The following SCHIP1 variants were observed in gnomAD, a reference collection of about 807,000 sequenced individuals.
SCHIP1 encodes schwannomin interacting protein 1.
SCHIP1 carries 8 observed loss-of-function variants against 29.7 expected under a neutral mutation model. The ratio of observed to expected loss-of-function variants is 0.27; its 90% CI spans 0.16 to 0.49. The LOEUF (loss-of-function observed/expected upper bound fraction) is 0.49, where lower values mean the gene tolerates loss of function less well. SCHIP1 is among the 20% of genes least tolerant of loss of function. The probability of loss-of-function intolerance (pLI) is 0.99; values close to 1 mark genes in which losing one functional copy is unlikely to be tolerated. For synonymous variants in SCHIP1, 76 were observed against 94.9 expected, an observed-to-expected ratio of 0.80 and a Z score of 1.16; for missense variants, 193 against 294.6, an observed-to-expected ratio of 0.66 and a Z score of 2.52.
At chr3:159,764,478 C>T in the SCHIP1 span, 4 of 1,592,240 alleles carry the variant, frequency 2.5e-6, no homozygotes, top group African/African-American at 2.7e-5. This position sits in a 1 kb window ranked among gnomAD's most constrained non-coding sequence, Gnocchi z 6.1. Context: ...TAGGCAGTGA[C>T]GCCGGCAGCA....
the SCHIP1 span, chr3:159,274,715 T>A: frequency 1.2e-6 from 1 of 820,676 alleles, no homozygotes; most frequent in Non-Finnish European, 1.5e-6. Context: ...GCTATTCAAA[T>A]TTTTTTCTAA....
chr3:159,636,337 C>T, the SCHIP1 span, among the ~76,000 whole-genome samples: 2 of 152,104 alleles, frequency 1.3e-5, no homozygotes, highest in African/African-American at 2.4e-5. Flanking sequence ...CATGAGCCAC[C>T]GCACCCAGCC....
the SCHIP1 span, chr3:159,273,659 G>C: frequency 2.2e-6 from 3 of 1,369,772 alleles, no homozygotes; most frequent in Non-Finnish European, 2.8e-6. Context: ...CATGGTGGTT[G>C]ATAACCGAAG....
the SCHIP1 span, among the ~76,000 whole-genome samples, chr3:159,349,047 C>G: frequency 6.6e-6 from 1 of 152,158 alleles, no homozygotes; most frequent in Non-Finnish European, 1.5e-5. Flanking sequence ...GAGTTAATGA[C>G]AGGTGACTGT....
At chr3:159,280,775 T>G in the SCHIP1 span, among the ~76,000 whole-genome samples, 2 of 152,214 alleles carry the variant, frequency 1.3e-5, no homozygotes, top group African/African-American at 2.4e-5. Context: ...TGTGTTTTTC[T>G]GGGCTTGTGA....
At chr3:159,628,481 AT>A in the SCHIP1 span, among the ~76,000 whole-genome samples, 1 of 152,158 alleles carries the variant, frequency 6.6e-6, no homozygotes, top group Admixed American at 6.5e-5. Context: ...CAGATATTGG[AT>A]TTTTCAGACA....
the SCHIP1 span, among the ~76,000 whole-genome samples, chr3:159,421,910 T>G: frequency 6.6e-6 from 1 of 152,138 alleles, no homozygotes; most frequent in East Asian, 1.9e-4. Flanking sequence ...CATGTTGCAA[T>G]TTTTTAGCAC....
At chr3:159,299,589 C>T in the SCHIP1 span, among the ~76,000 whole-genome samples, 1 of 152,144 alleles carries the variant, frequency 6.6e-6, no homozygotes, top group Non-Finnish European at 1.5e-5. Context: ...AATGTGTGTT[C>T]CTCATTTTCC....
chr3:159,403,728 A>G, the SCHIP1 span, among the ~76,000 whole-genome samples: 2 of 152,208 alleles, frequency 1.3e-5, no homozygotes, highest in Admixed American at 6.5e-5. Context: ...CACAAAAACT[A>G]TAATTCCTGG....
chr3:159,475,879 C>T, the SCHIP1 span, among the ~76,000 whole-genome samples: 2 of 152,250 alleles, frequency 1.3e-5, no homozygotes, highest in African/African-American at 4.8e-5. Flanking sequence ...GGAGTTGAAG[C>T]TTTCATAACA....
chr3:159,659,617 C>T, the SCHIP1 span, among the ~76,000 whole-genome samples: 1 of 152,126 alleles, frequency 6.6e-6, no homozygotes, highest in East Asian at 1.9e-4. Flanking sequence ...GCCACCTCAT[C>T]AAACATTTAG....
the SCHIP1 span, among the ~76,000 whole-genome samples, chr3:159,487,542 T>A: frequency 6.6e-6 from 1 of 152,196 alleles, no homozygotes; most frequent in Admixed American, 6.5e-5. Context: ...AACTGAAATA[T>A]AAATTCTATC....
chr3:159,467,758 C>G, the SCHIP1 span, among the ~76,000 whole-genome samples: 555 of 152,178 alleles, frequency 3.6e-3, 6 homozygotes, highest in African/African-American at 0.013. Flanking sequence ...TGTCTAACTA[C>G]ACAATTAAAT....
the SCHIP1 span, among the ~76,000 whole-genome samples, chr3:159,445,231 C>T: frequency 2.0e-5 from 3 of 152,170 alleles, no homozygotes; most frequent in East Asian, 1.9e-4. Context: ...TGAACAGACA[C>T]TTCTCAAAAG....
the SCHIP1 span, among the ~76,000 whole-genome samples, chr3:159,794,963 G>A: frequency 6.6e-6 from 1 of 152,268 alleles, no homozygotes; most frequent in South Asian, 2.1e-4. Context: ...TAGAGATTCT[G>A]ATTTGATTGG....
chr3:159,531,684 A>G, the SCHIP1 span, among the ~76,000 whole-genome samples: 3 of 152,222 alleles, frequency 2.0e-5, no homozygotes, highest in Non-Finnish European at 4.4e-5. Flanking sequence ...TAAGTTTACC[A>G]AACAGTATTA....
At chr3:159,577,254 AAAACAAGAC>A in the SCHIP1 span, among the ~76,000 whole-genome samples, 1 of 152,226 alleles carries the variant, frequency 6.6e-6, no homozygotes, top group African/African-American at 2.4e-5. Flanking sequence ...ATAACAAAGC[AAAACAAGAC>A]AACAAATCAC....
chr3:159,710,181 C>A, the SCHIP1 span, among the ~76,000 whole-genome samples: 1 of 152,116 alleles, frequency 6.6e-6, no homozygotes, highest in Non-Finnish European at 1.5e-5. Context: ...AGATATAGAA[C>A]CAACCTAAGT....
At chr3:159,291,012 A>G in the SCHIP1 span, among the ~76,000 whole-genome samples, 1 of 152,114 alleles carries the variant, frequency 6.6e-6, no homozygotes, top group Non-Finnish European at 1.5e-5. Flanking sequence ...ATAACTCAAC[A>G]GAAATTAGTG....
Sources: gnomAD v4.1 joint callset for allele counts (sites outside exome capture counted in the v4.1 genomes callset) on GRCh38, gnomAD v4.1.1 for gene constraint, Gnocchi (gnomAD v3.1) non-coding constraint, MANE v1.5 for transcripts, NCBI Gene and HGNC (gene_info 2026-07-23, HGNC 2026-07-21) for gene names.